Variants in ROBO2 observed in about 807,000 individuals in gnomAD.
ROBO2 encodes the protein roundabout guidance receptor 2, also known as roundabout homolog 2.
ROBO2 carries 53 observed loss-of-function variants against 160.8 expected under a neutral mutation model. The observed-to-expected ratio is 0.33, with a 90% CI of 0.26 to 0.41. The LOEUF (loss-of-function observed/expected upper bound fraction) is 0.41, where lower values mean the gene tolerates loss of function less well. Ranked by LOEUF, ROBO2 falls within the 10% of genes least tolerant of loss-of-function variation. The pLI, the probability that ROBO2 is intolerant of heterozygous loss-of-function variation, is 1.00. For missense variants in ROBO2, 1,577 were observed against 1,722.4 expected, an observed-to-expected ratio of 0.92 and a Z score of 1.49; for synonymous variants, 664 against 611.7, an observed-to-expected ratio of 1.09 and a Z score of -1.26.
chr3:76,840,839 G>C (rs1336589689), intron 2 of ROBO2, among the ~76,000 whole-genome samples: 1 of 151,870 alleles, frequency 6.6e-6, no homozygotes, highest in African/African-American at 2.4e-5. Context: ...AACTGCTCTA[G>C]CTGGAACCCT....
chr3:77,517,186 G>T (rs2090114908), intron 5 of ROBO2, among the ~76,000 whole-genome samples: 1 of 151,570 alleles, frequency 6.6e-6, no homozygotes, highest in South Asian at 2.1e-4. Flanking sequence ...AAAGTAACTG[G>T]ATTGGTGGAT....
intron 2 of ROBO2, among the ~76,000 whole-genome samples, chr3:77,341,726 C>T (rs2067082160): frequency 6.6e-6 from 1 of 152,000 alleles, no homozygotes; most frequent in Non-Finnish European, 1.5e-5. Flanking sequence ...TGTAATCCAG[C>T]TTAGCATCTA....
At chr3:76,179,622 A>G (rs1029085935) in intron 2 of ROBO2, among the ~76,000 whole-genome samples, 2 of 152,068 alleles carry the variant, frequency 1.3e-5, no homozygotes. Context: ...GGCTTCCCGT[A>G]TTGACTTTCC....
intron 2 of ROBO2, among the ~76,000 whole-genome samples, chr3:76,654,221 A>G (rs2091385465): frequency 6.6e-6 from 1 of 152,096 alleles, no homozygotes; most frequent in Admixed American, 6.5e-5. Context: ...GGCCACAACA[A>G]TCATCACCAA....
chr3:77,343,079 AGAGAG>A (rs1560578523), intron 2 of ROBO2, among the ~76,000 whole-genome samples: 5 of 132,012 alleles, frequency 3.8e-5, no homozygotes, highest in African/African-American at 1.3e-4. Flanking sequence ...AGAGAGAGAG[AGAGAG>A]AGAACTTTCT....
At chr3:76,692,396 C>T (rs747353362) in intron 2 of ROBO2, among the ~76,000 whole-genome samples, 1 of 151,998 alleles carries the variant, frequency 6.6e-6, no homozygotes, top group African/African-American at 2.4e-5. Flanking sequence ...ACATTTGTGC[C>T]GAGGATGGTG....
chr3:77,256,334 T>G (rs2153319680), intron 2 of ROBO2, among the ~76,000 whole-genome samples: 1 of 152,320 alleles, frequency 6.6e-6, no homozygotes, highest in African/African-American at 2.4e-5. Flanking sequence ...TGCTCAAAAA[T>G]ATTTATAATG....
intron 2 of ROBO2, among the ~76,000 whole-genome samples, chr3:76,948,579 ATTTTTTTTTTTT>A (rs757654181): frequency 1.1e-5 from 1 of 93,664 alleles, no homozygotes; most frequent in Non-Finnish European, 2.1e-5. Flanking sequence ...TTATAATCTA[ATTTTTTTTTTTT>A]TTTTTTTTTT....
At chr3:77,340,643 G>A (rs534444661) in intron 2 of ROBO2, among the ~76,000 whole-genome samples, 7 of 152,194 alleles carry the variant, frequency 4.6e-5, no homozygotes, top group South Asian at 2.1e-4. Context: ...TGAGTTGTAC[G>A]TATTCATAGG....
chr3:75,972,682 C>A (rs1042353583), intron 2 of ROBO2, among the ~76,000 whole-genome samples: 70 of 151,650 alleles, frequency 4.6e-4, no homozygotes, highest in African/African-American at 1.6e-3. Flanking sequence ...CCAGCAACAT[C>A]AGTATTACAT....
intron 2 of ROBO2, among the ~76,000 whole-genome samples, chr3:76,336,024 A>G (rs2073868326): frequency 6.6e-6 from 1 of 152,210 alleles, no homozygotes; most frequent in South Asian, 2.1e-4. Flanking sequence ...ACTTGTGTGT[A>G]AGCAAGACAC....
chr3:76,727,487 A>G (rs1227483201), intron 2 of ROBO2, among the ~76,000 whole-genome samples: 2 of 152,192 alleles, frequency 1.3e-5, no homozygotes, highest in African/African-American at 2.4e-5. Context: ...GAGCCCTAAT[A>G]TGTATTAGAC....
intron 2 of ROBO2, among the ~76,000 whole-genome samples, chr3:76,042,066 C>G (rs1432069452): frequency 6.7e-6 from 1 of 149,212 alleles, no homozygotes; most frequent in East Asian, 2.0e-4. Flanking sequence ...AGTAAAGTGA[C>G]AGAAACAAAT....
At chr3:77,087,542 A>G (rs1430171635) in intron 1 of ROBO2, among the ~76,000 whole-genome samples, 1 of 152,138 alleles carries the variant, frequency 6.6e-6, no homozygotes, top group Non-Finnish European at 1.5e-5. Context: ...AGGTTAATAC[A>G]TTGGCTCCTC....
chr3:76,119,970 C>G (rs1178141306), intron 2 of ROBO2, among the ~76,000 whole-genome samples: 5 of 132,628 alleles, frequency 3.8e-5, no homozygotes, highest in Non-Finnish European at 6.3e-5. Context: ...TCCTTCCTTC[C>G]TTCCTCTCTC....
intron 2 of ROBO2, among the ~76,000 whole-genome samples, chr3:76,042,008 A>AAG (rs796662835): frequency 0.076 from 9,849 of 129,830 alleles, 881 homozygotes; most frequent in African/African-American, 0.23. Context: ...GAGCGAGAGC[A>AAG]AGAGAGAGAG....
intron 2 of ROBO2, among the ~76,000 whole-genome samples, chr3:77,007,338 AT>A (rs1299793654): frequency 2.3e-4 from 35 of 151,976 alleles, no homozygotes; most frequent in South Asian, 2.1e-4. Context: ...TTTATTATAT[AT>A]TTTTTTCCTA....
chr3:76,459,405 A>G (rs920536774), intron 2 of ROBO2, among the ~76,000 whole-genome samples: 1 of 152,160 alleles, frequency 6.6e-6, no homozygotes, highest in Non-Finnish European at 1.5e-5. Flanking sequence ...CTACCTGCAA[A>G]TCTATGTTTC....
chr3:77,311,667 T>C (rs2153422768), intron 2 of ROBO2, among the ~76,000 whole-genome samples: 1 of 152,326 alleles, frequency 6.6e-6, no homozygotes, highest in South Asian at 2.1e-4. Flanking sequence ...CCTCTTAACT[T>C]CTCAGGGTTC....
Sources: gnomAD v4.1 joint callset for allele counts (sites outside exome capture counted in the v4.1 genomes callset) on GRCh38, gnomAD v4.1.1 for gene constraint, MANE v1.5 for transcripts, NCBI Gene and HGNC (gene_info 2026-07-23, HGNC 2026-07-21) for gene names.